The following GALNT9 variants were observed in gnomAD, a reference collection of about 807,000 sequenced individuals.
The protein encoded by GALNT9 is GalNAc transferase 9.
GALNT9 carries 47 observed loss-of-function variants against 63.1 expected under a neutral mutation model. The ratio of observed to expected loss-of-function variants is 0.75; its 90% confidence interval spans 0.59 to 0.95. The LOEUF (loss-of-function observed/expected upper bound fraction) is 0.95. Among genes scored for constraint, GALNT9 ranks in the 40% least tolerant of loss-of-function variants. The pLI, the probability that GALNT9 is intolerant of heterozygous loss-of-function variation, is 0.00. For synonymous variants in GALNT9, 396 were observed against 365.7 expected, an observed-to-expected ratio of 1.08 and a Z score of -0.94; for missense variants, 829 against 874.8, an observed-to-expected ratio of 0.95 and a Z score of 0.66.
In GALNT9 at chr12:132,196,397, A is replaced by AT. The variant is rs202077963; in HGVS notation, c.*709dup. On this transcript the variant is annotated 3_prime_UTR_variant, in exon 11 of 11. Coordinates refer to ENST00000328957, the MANE Select transcript of GALNT9 (RefSeq NM_001122636.2). ...TGTGGCTGGGCGCCAATAAAACTGT[A>AT]TTTATTAAAACAGGCAAGGGGCTGG... 2,469 of 977,438 alleles carry AT rather than the reference A, an allele frequency of 2.5e-3. 55 individuals are homozygous for AT. The African/African-American group carries it at 0.039, about 15-fold the overall frequency. 60.5% of individuals were successfully genotyped at this position (977,438 alleles called of 1,614,324 possible).
Position 132,196,830 on chromosome 12 carries a change from A to G in GALNT9, c.*277T>C. On this transcript the variant is annotated 3_prime_UTR_variant, in exon 11 of 11. Transcript: ENST00000328957. ...CGGCGGCTGTCCCAGCAGCCTGGCC[A>G]GGAGATACCGTGGAGAAGGCACGTG... is the stretch of plus-strand genomic sequence containing the variant. 11 of 1,239,440 alleles carry G rather than the reference A, an allele frequency of 8.9e-6. No homozygotes were observed. The highest frequency in any genetic ancestry group is 1.1e-5 in the Non-Finnish European group (11 of 983,130). The allele number at this position is 1,239,440 out of a possible 1,614,324, so 76.8% of individuals were successfully genotyped here. A position where few individuals can be genotyped will look rare whatever the true frequency, so the allele number is the denominator to read the frequency against.
At chr12:132,199,551 G>GTGGCTTCCC (rs1479277044) in intron 8 of GALNT9, among the ~76,000 whole-genome samples, 5 of 152,162 alleles carry the variant, frequency 3.3e-5, no homozygotes, top group Non-Finnish European at 7.3e-5. Flanking sequence ...AGGCTGTGGA[G>GTGGCTTCCC]TGGCTTCCCT....
intron 5 of GALNT9, among the ~76,000 whole-genome samples, chr12:132,253,959 A>C (rs1879019384): frequency 2.6e-5 from 4 of 152,122 alleles, no homozygotes; most frequent in South Asian, 4.1e-4. Context: ...TTACAAATAC[A>C]GGACTGTGGG....
chr12:132,259,957 A>AAC (rs57709766), intron 4 of GALNT9, among the ~76,000 whole-genome samples: 1,458 of 69,144 alleles, frequency 0.021, 222 homozygotes, highest in African/African-American at 0.087. Context: ...TGGTGCGGGG[A>AAC]ACACCCTGTG....
intron 8 of GALNT9, chr12:132,200,546 TC>T (rs1875966832): frequency 6.6e-6 from 1 of 152,642 alleles, no homozygotes; most frequent in Non-Finnish European, 1.5e-5. Context: ...TGTGTGTTTA[TC>T]TGTGCACAGG....
At chr12:132,219,734 CGCCCGGGT>C (rs1877367482) in intron 6 of GALNT9, among the ~76,000 whole-genome samples, 1 of 139,486 alleles carries the variant, frequency 7.2e-6, no homozygotes, top group Non-Finnish European at 1.6e-5. Context: ...GGGTGACACC[CGCCCGGGT>C]AAGGGGAAGG....
chr12:132,305,573 C>T (rs1881572617), intron 1 of GALNT9, among the ~76,000 whole-genome samples: 1 of 150,002 alleles, frequency 6.7e-6, no homozygotes, highest in African/African-American at 2.5e-5. Flanking sequence ...ACACCCTCAC[C>T]CAGACACGCC....
intron 6 of GALNT9, 22 bp from the exon 7 acceptor site, chr12:132,203,712 T>A (rs1374055043): frequency 3.7e-6 from 6 of 1,605,124 alleles, no homozygotes; most frequent in Non-Finnish European, 5.1e-6. Flanking sequence ...CGGCGCTGGG[T>A]GCCGGCGTCC....
chr12:132,301,859 A>C (rs984354698), intron 1 of GALNT9, among the ~76,000 whole-genome samples: 3 of 152,216 alleles, frequency 2.0e-5, no homozygotes, highest in African/African-American at 7.2e-5. Flanking sequence ...TTTTGCCTCC[A>C]CATAAAGTTA....
chr12:132,286,340 G>T lies in GALNT9; in HGVS notation c.329C>A (p.Ala110Glu), dbSNP rs937376221. Reference sequence around the variant, plus strand: ...GCCGTACTCCTCATACTTGCCTTCCGCCTCCTGGCCGTCATCACGCAGGGT... The same window carrying T: ...GCCGTACTCCTCATACTTGCCTTCCTCCTCCTGGCCGTCATCACGCAGGGT... Reference protein sequence around the residue: ...AATLRDDGQEAEGKYEEYGYN... With the variant: ...AATLRDDGQEEEGKYEEYGYN... The change falls in exon 2 of 11, where the codon GCG becomes GAG. Residue 110 changes from alanine to glutamate, a missense_variant. Coordinates refer to ENST00000328957, the MANE Select transcript of GALNT9 (RefSeq NM_001122636.2). The surrounding 1 kb of genome is among the most constrained non-coding windows in gnomAD (Gnocchi z 7.4). 1.5e-5 allele frequency: 23 copies of T among 1,550,914 alleles called. No individual in the cohort carries two copies. Among genetic ancestry groups the T allele is most frequent in the Non-Finnish European group, 2.0e-5 (23 of 1,146,860 alleles).
intron 6 of GALNT9, among the ~76,000 whole-genome samples, chr12:132,244,879 T>G (rs1230966387): frequency 6.6e-6 from 1 of 150,544 alleles, no homozygotes; most frequent in Non-Finnish European, 1.5e-5. Flanking sequence ...CCAGGAGAAC[T>G]GGGTTCTGGT....
intron 1 of GALNT9, among the ~76,000 whole-genome samples, chr12:132,324,792 AC>A (rs1868964907): frequency 6.7e-6 from 1 of 149,244 alleles, no homozygotes; most frequent in African/African-American, 2.5e-5. Context: ...ACTGGTGGTC[AC>A]TCATGGTGCC....
intron 1 of GALNT9, among the ~76,000 whole-genome samples, chr12:132,292,237 G>T (rs1880886434): frequency 6.6e-6 from 1 of 152,214 alleles, no homozygotes; most frequent in Non-Finnish European, 1.5e-5. Flanking sequence ...ACAGGACTTT[G>T]TCCTGCCTTC....
chr12:132,249,593 T>C (rs1161659288), intron 5 of GALNT9, among the ~76,000 whole-genome samples: 1 of 152,276 alleles, frequency 6.6e-6, no homozygotes, highest in African/African-American at 2.4e-5. Flanking sequence ...GTTTATCATA[T>C]ACAACAGGTA....
chr12:132,203,537 G>A lies in GALNT9; in HGVS notation c.1231C>T (p.His411Tyr). ...AEVWMDDFKS[H>Y]VYMAWNIPMS... ...GGGATGTTCCAGGCCATGTACACGTGGGACTTGAAGTCATCCATCCACACC... is the reference window on the plus strand; with the variant it reads ...GGGATGTTCCAGGCCATGTACACGTAGGACTTGAAGTCATCCATCCACACC... The change falls in exon 7 of 11, where the codon CAC becomes TAC. Residue 411 changes from histidine to tyrosine, a missense_variant. Transcript: ENST00000328957. 3 of 1,613,922 alleles carry A rather than the reference G, an allele frequency of 1.9e-6. No individual in the cohort carries two copies. The highest frequency in any genetic ancestry group is 2.2e-5 in the East Asian group (1 of 44,870).
At chr12:132,325,169 T>C (rs1163837159) in intron 1 of GALNT9, among the ~76,000 whole-genome samples, 1 of 152,250 alleles carries the variant, frequency 6.6e-6, no homozygotes, top group Non-Finnish European at 1.5e-5. Context: ...TGCTGGAGTC[T>C]CCAGGCTGTT....
intron 2 of GALNT9, among the ~76,000 whole-genome samples, chr12:132,276,809 C>G (rs1243529993): frequency 6.6e-6 from 1 of 152,156 alleles, no homozygotes; most frequent in Non-Finnish European, 1.5e-5. Flanking sequence ...TACCGTCTGA[C>G]AAAGAGAAAT....
chr12:132,203,562 C>T lies in GALNT9; in HGVS notation c.1206G>A (p.Glu402=), dbSNP rs750378784. ...GGGACTTGAAGTCATCCATCCACACCTCGGCGGCGCGCAGGGCGTTGCGCT... is the reference window on the plus strand; with the variant it reads ...GGGACTTGAAGTCATCCATCCACACTTCGGCGGCGCGCAGGGCGTTGCGCT... ...YAKRNALRAA[E]VWMDDFKSHV... The change falls in exon 7 of 11, where the codon GAG becomes GAA. Residue 402 remains glutamate (E), a synonymous_variant. Coordinates refer to ENST00000328957, the MANE Select transcript of GALNT9 (RefSeq NM_001122636.2). 6.2e-7 allele frequency: 1 copy of T among 1,614,016 alleles called. No homozygotes were observed. Among genetic ancestry groups the T allele is most frequent in the Non-Finnish European group, 8.5e-7 (1 of 1,179,876 alleles).
Position 132,316,613 on chromosome 12 carries a change from A to C in GALNT9, c.238+12353T>G, listed in dbSNP as rs953566604. 2.0e-5 allele frequency among the ~76,000 whole-genome samples: 3 copies of C among 151,930 alleles called. No homozygotes were observed. Among genetic ancestry groups the C allele is most frequent in the Non-Finnish European group, 4.4e-5 (3 of 67,958 alleles). The stretch of plus-strand genomic sequence containing the variant: ...CCGGGTCCTCATCCCTCCTCCTGCC[A>C]GGGTGTGTCCCTGCTCTCTTTCCTC... On this transcript the variant is annotated intron_variant, in intron 1 of 10. Transcript: ENST00000328957. This position sits in a 1 kb window ranked among gnomAD's most constrained non-coding sequence, Gnocchi z 4.3.
Sources: allele counts gnomAD v4.1 joint callset (sites outside exome capture counted in the v4.1 genomes callset), GRCh38; gene constraint gnomAD v4.1.1; non-coding constraint Gnocchi (gnomAD v3.1); transcripts MANE v1.5; gene names NCBI Gene and HGNC (gene_info 2026-07-23, HGNC 2026-07-21).